ACCS: variants seen among roughly 807,000 people sequenced by gnomAD.
ACCS encodes 1-aminocyclopropane-1-carboxylate synthase homolog (inactive), also known as 1-aminocyclopropane-1-carboxylate synthase-like protein 1.
A neutral mutation model predicts 59.8 loss-of-function variants in ACCS; 42 were observed. That is an observed-to-expected ratio of 0.70 (90% CI 0.55 to 0.91). The LOEUF is 0.91. Ranked by LOEUF, ACCS falls within the 40% of genes least tolerant of loss-of-function variation. The pLI is 0.00. For synonymous variants in ACCS, 230 were observed against 240.3 expected (o/e 0.96, Z 0.40); for missense variants, 602 against 630.4 (o/e 0.95, Z 0.48).
chr11:44,078,876 C>G, intron 9 of ACCS, 92 bp downstream of exon 9: 4 of 1,057,900 alleles, frequency 3.8e-6, no homozygotes, highest in Non-Finnish European at 5.6e-6. Flanking sequence ...CTCTTGACCC[C>G]ACTGTGGGCT....
rs879148844 is a variant in ACCS at position 44,068,029 on chromosome 11, C to T, written c.288+114C>T. 6.4e-5 allele frequency: 75 copies of T among 1,173,196 alleles called. 1 individual carries two copies. In the South Asian group the frequency reaches 1.2e-3, roughly 18 times the overall value. The allele number at this position is 1,173,196 out of a possible 1,614,324, so 72.7% of individuals were successfully genotyped here. On this transcript the variant is annotated intron_variant, in intron 2 of 14. Coordinates refer to ENST00000263776, the MANE Select transcript of ACCS (RefSeq NM_032592.4). ...CTCTTATGAGGTTGGAGTTATGGTACTCTGACCTCCAAGAGGGCTTCTGAT... is the reference window on the plus strand; with the variant it reads ...CTCTTATGAGGTTGGAGTTATGGTATTCTGACCTCCAAGAGGGCTTCTGAT...
At chr11:44,078,898 G>A (rs1366615093) in intron 9 of ACCS, 114 bp downstream of exon 9, 3 of 826,456 alleles carry the variant, frequency 3.6e-6, no homozygotes, top group Non-Finnish European at 5.8e-6. Context: ...CTACTTGCTT[G>A]GGCCCTTCCT....
chr11:44,072,168 A>ATTT (rs1953082948), intron 3 of ACCS: 1 of 151,816 alleles, frequency 6.6e-6, no homozygotes, highest in Non-Finnish European at 1.5e-5. Context: ...TTATTTATTT[A>ATTT]TTTATTTAAG....
At chr11:44,075,653 G>A in intron 6 of ACCS, 61 bp downstream of exon 6, 1 of 1,582,174 alleles carries the variant, frequency 6.3e-7, no homozygotes, top group Non-Finnish European at 8.7e-7. Flanking sequence ...AGGGTTCCCA[G>A]TTGCCTGGCC....
At chr11:44,074,874 G>T (rs1953277249) in intron 5 of ACCS, among the ~76,000 whole-genome samples, 193 bp downstream of exon 5, 1 of 142,906 alleles carries the variant, frequency 7.0e-6, no homozygotes, top group African/African-American at 2.6e-5. Context: ...ACCCAGACTG[G>T]AATGTAATGG....
At chr11:44,068,811 T>C (rs1166020778) in intron 2 of ACCS, among the ~76,000 whole-genome samples, 1 of 152,242 alleles carries the variant, frequency 6.6e-6, no homozygotes, top group Non-Finnish European at 1.5e-5. Flanking sequence ...CAAATAACCC[T>C]TTAATAATCT....
intron 5 of ACCS, 138 bp from the exon 6 acceptor site, chr11:44,075,388 A>T: frequency 1.2e-6 from 1 of 807,752 alleles, no homozygotes; most frequent in South Asian, 1.6e-5. Flanking sequence ...CTGTCAGTCT[A>T]GTGGCTTTGT....
chr11:44,075,456 T>C, intron 5 of ACCS, 70 bp from the exon 6 acceptor site: 1 of 1,537,950 alleles, frequency 6.5e-7, no homozygotes, highest in Non-Finnish European at 9.0e-7. Flanking sequence ...TGTGCTGTCC[T>C]GGGAGGCTGC....
intron 10 of ACCS, chr11:44,080,618 T>G (rs1455242426): frequency 9.4e-6 from 2 of 212,422 alleles, no homozygotes; most frequent in African/African-American, 4.6e-5. Flanking sequence ...TAAATGCACA[T>G]CCAGCCATTG....
chr11:44,070,551 C>CA (rs1953001749), intron 2 of ACCS, among the ~76,000 whole-genome samples: 2 of 152,164 alleles, frequency 1.3e-5, no homozygotes, highest in Non-Finnish European at 2.9e-5. Context: ...ACTCCCCCTG[C>CA]AGTAACTCAG....
chr11:44,071,109 C>T (rs1006970607), intron 2 of ACCS, 147 bp from the exon 3 acceptor site: 1 of 793,654 alleles, frequency 1.3e-6, no homozygotes, highest in South Asian at 1.6e-5. Flanking sequence ...GCAGAAGGCA[C>T]ACCTTGAGCA....
intron 6 of ACCS, 96 bp downstream of exon 6, chr11:44,075,688 C>A: frequency 7.0e-7 from 1 of 1,427,860 alleles, no homozygotes. Flanking sequence ...AGTATGCTTT[C>A]GGGCACAATA....
Position 44,079,454 on chromosome 11 carries a change from T to C in ACCS, c.834-77T>C. 2.4e-6 allele frequency: 3 copies of C among 1,239,098 alleles called. No individual in the cohort carries two copies. In the South Asian group the frequency reaches 4.0e-5, roughly 16 times the overall value. 76.8% of individuals were successfully genotyped at this position (1,239,098 alleles called of 1,614,324 possible). A position where few individuals can be genotyped will look rare whatever the true frequency, so the allele number is the denominator to read the frequency against. On this transcript the variant is annotated intron_variant, in intron 9 of 14. Coordinates refer to ENST00000263776, the MANE Select transcript of ACCS (RefSeq NM_032592.4). ...GACCCCGGCCCCTCTGGATTTCTGA[T>C]GTATTACCTCCCCACCCTGTGGGAC...
chr11:44,073,365 G>A (rs1953153588), intron 3 of ACCS, 82 bp from the exon 4 acceptor site: 1 of 1,118,146 alleles, frequency 8.9e-7, no homozygotes, highest in Admixed American at 1.9e-5. Flanking sequence ...AGCAGAACAA[G>A]CGTTCAGCTT....
In ACCS at chr11:44,081,193, TG is replaced by T. The variant is rs1953624145; in HGVS notation, c.987del (p.Leu330SerfsTer75). 1 of 1,614,126 alleles carries T rather than the reference TG, an allele frequency of 6.2e-7. No individual in the cohort carries two copies. Among genetic ancestry groups the T allele is most frequent in the Admixed American group, 1.7e-5 (1 of 60,012 alleles). Reference sequence around the variant, plus strand: ...TCTTCCTGCAGGACTTCGGGATGTCTGGGCTCCGCTTTGGCACGCTGTACAC... The same window carrying T: ...TCTTCCTGCAGGACTTCGGGATGTCTGGCTCCGCTTTGGCACGCTGTACAC... Reference protein sequence around the residue: ...WATSKDFGMSGLRFGTLYTEN... With the variant: ...WATSKDFGMSXLRFGTLYTEN... On this transcript the variant is annotated frameshift_variant, in exon 12 of 15. Transcript: ENST00000263776. LOFTEE classifies it high-confidence loss of function.
At position 44,071,335 on chromosome 11, in the gene ACCS, T is replaced by TA. The variant is rs1246979099; in HGVS notation, c.348+21dup. ...TGGCGGGTAAGTCCTAGGGCCCCTC[T>TA]AGGGGGCATCACCAGCTCCGAGGAG... On this transcript the variant is annotated intron_variant, in intron 3 of 14. Coordinates refer to ENST00000263776, the MANE Select transcript of ACCS (RefSeq NM_032592.4). 6.2e-7 allele frequency: 1 copy of TA among 1,612,400 alleles called. No homozygotes were observed. The highest frequency in any genetic ancestry group is 1.3e-5 in the African/African-American group (1 of 74,916).
At chr11:44,076,811 T>C (rs1173755671) in intron 6 of ACCS, among the ~76,000 whole-genome samples, 1 of 152,254 alleles carries the variant, frequency 6.6e-6, no homozygotes, top group Non-Finnish European at 1.5e-5. Context: ...AGAGGTTTAA[T>C]GGATTCACAG....
chr11:44,082,337 T>C (rs1953676945), intron 12 of ACCS: 2 of 152,218 alleles, frequency 1.3e-5, no homozygotes, highest in Admixed American at 1.3e-4. Context: ...TCATCACCCA[T>C]AACTGCTGCT....
intron 10 of ACCS, 152 bp from the exon 11 acceptor site, chr11:44,080,868 G>A (rs1953606264): frequency 2.3e-6 from 2 of 874,042 alleles, no homozygotes; most frequent in Non-Finnish European, 1.8e-6. Context: ...TCTAAAGGAT[G>A]CATGGGAATG....
Sources: gnomAD v4.1 joint callset for allele counts (sites outside exome capture counted in the v4.1 genomes callset) on GRCh38, gnomAD v4.1.1 for gene constraint, MANE v1.5 for transcripts, NCBI Gene and HGNC (gene_info 2026-07-23, HGNC 2026-07-21) for gene names.